STXBP4: variants seen among roughly 807,000 people sequenced by gnomAD.
STXBP4 encodes the protein syntaxin binding protein 4, also known as syntaxin-binding protein 4.
STXBP4 carries 55 observed loss-of-function variants against 76.1 expected under a neutral mutation model. The ratio of observed to expected loss-of-function variants is 0.72; its 90% CI spans 0.58 to 0.91. The LOEUF (loss-of-function observed/expected upper bound fraction) is 0.91. Ranked by LOEUF, STXBP4 falls within the 40% of genes least tolerant of loss-of-function variation. The pLI, the probability that STXBP4 is intolerant of heterozygous loss-of-function variation, is 0.00. For synonymous variants in STXBP4, 201 were observed against 220.2 expected (o/e 0.91, Z 0.77); for missense variants, 618 against 636.9 (o/e 0.97, Z 0.32).
chr17:55,142,781 GT>G (rs1040925230), intron 17 of STXBP4, among the ~76,000 whole-genome samples: 9 of 152,206 alleles, frequency 5.9e-5, no homozygotes, highest in Non-Finnish European at 1.0e-4. Flanking sequence ...CTAGCATGAA[GT>G]GATTAATCAG....
chr17:55,210,705 T>A, the STXBP4 span, among the ~76,000 whole-genome samples: 1 of 152,240 alleles, frequency 6.6e-6, no homozygotes, highest in African/African-American at 2.4e-5. Context: ...CTAATATTTT[T>A]AAATAAAGAT....
Position 55,096,606 on chromosome 17 carries a change from A to T in STXBP4, c.1489+15423A>T, listed in dbSNP as rs375900106. 1.5e-3 allele frequency among the ~76,000 whole-genome samples: 220 copies of T among 150,302 alleles called. 7 individuals carry two copies. The South Asian group carries it at 0.045, about 31-fold the overall frequency. On this transcript the variant is annotated intron_variant, in intron 16 of 17. Transcript: ENST00000376352. ...ATCTGTTTTTTTATTGGAAACTTTC[A>T]TATTGCTTTTTTTTTTTTTTAAGAA...
At chr17:55,197,316 A>G in the STXBP4 span, among the ~76,000 whole-genome samples, 1 of 152,242 alleles carries the variant, frequency 6.6e-6, no homozygotes, top group Admixed American at 6.5e-5. Context: ...CATGAAAGTG[A>G]CCAATGGGAA....
rs1015016010 is a variant in STXBP4 at position 55,164,707 on chromosome 17, C to G, written c.*4796C>G. 2 of 152,024 alleles carry G rather than the reference C, an allele frequency of 1.3e-5. No individual in the cohort carries two copies. Among genetic ancestry groups the G allele is most frequent in the African/African-American group, 4.8e-5 (2 of 41,378 alleles). 9.4% of individuals were successfully genotyped at this position (152,024 alleles called of 1,614,324 possible). A position where few individuals can be genotyped will look rare whatever the true frequency, so the allele number is the denominator to read the frequency against. On this transcript the variant is annotated 3_prime_UTR_variant, in exon 18 of 18. Transcript: ENST00000376352. ...GACCTCATGATCCACCCGCCTCGGC[C>G]TCCCAAAGTGCTGGGATTACAGGCG...
intron 6 of STXBP4, 78 bp downstream of exon 6, chr17:54,999,920 T>A: frequency 1.1e-6 from 1 of 945,002 alleles, no homozygotes; most frequent in Non-Finnish European, 1.6e-6. Flanking sequence ...GTTATGTACA[T>A]ATAGAATTAT....
chr17:55,114,934 A>C (rs2079763821), intron 16 of STXBP4, among the ~76,000 whole-genome samples: 2 of 151,966 alleles, frequency 1.3e-5, no homozygotes, highest in African/African-American at 4.8e-5. Context: ...CTCAGAAAAA[A>C]ATAATTGAAG....
At position 55,169,710 on chromosome 17, in the gene STXBP4, T is replaced by C. The variant is rs572198244; in HGVS notation, c.*9799T>C. ...AAATGCCTTAACAAGTGAAATGGGC[T>C]TTCTGAAAAATTATTTCAATCAAAA... On this transcript the variant is annotated 3_prime_UTR_variant, in exon 18 of 18. Coordinates refer to ENST00000376352, the MANE Select transcript of STXBP4 (RefSeq NM_178509.6). The C allele has an allele frequency of 6.6e-6, 1 of 152,354 alleles. No homozygotes were observed. The highest frequency in any genetic ancestry group is 2.1e-4 in the South Asian group (1 of 4,828). The allele number at this position is 152,354 out of a possible 1,614,324, so 9.4% of individuals were successfully genotyped here.
chr17:55,051,373 T>C (rs768749275), intron 12 of STXBP4, among the ~76,000 whole-genome samples: 1 of 152,126 alleles, frequency 6.6e-6, no homozygotes. Flanking sequence ...AATGCAGTAT[T>C]TGTGTTCAGT....
chr17:54,972,261 CTG>C (rs1382560558), intron 1 of STXBP4, among the ~76,000 whole-genome samples: 1 of 152,320 alleles, frequency 6.6e-6, no homozygotes, highest in East Asian at 1.9e-4. Flanking sequence ...AGCTTTGAGA[CTG>C]TAAATATTCT....
chr17:55,034,075 T>C, intron 9 of STXBP4, 93 bp from the exon 10 acceptor site: 1 of 829,360 alleles, frequency 1.2e-6, no homozygotes, highest in African/African-American at 1.7e-5. Context: ...TTTATGTGGG[T>C]TAAATTTGAA....
chr17:55,204,174 C>T, the STXBP4 span, among the ~76,000 whole-genome samples: 6 of 151,760 alleles, frequency 4.0e-5, no homozygotes, highest in Admixed American at 3.3e-4. Context: ...TCTGACCTAT[C>T]TTCCAGTTCA....
chr17:55,098,129 G>A (rs2079517192), intron 16 of STXBP4, among the ~76,000 whole-genome samples: 1 of 152,114 alleles, frequency 6.6e-6, no homozygotes, highest in Non-Finnish European at 1.5e-5. Context: ...AACCCTGGAA[G>A]ATAATGAACA....
At chr17:55,211,910 A>G in the STXBP4 span, among the ~76,000 whole-genome samples, 1 of 141,454 alleles carries the variant, frequency 7.1e-6, no homozygotes, top group Non-Finnish European at 1.5e-5. Context: ...TCCTGGGTTC[A>G]AGCCATTCTC....
At chr17:55,019,154 T>G (rs1401782919) in intron 8 of STXBP4, among the ~76,000 whole-genome samples, 1 of 152,260 alleles carries the variant, frequency 6.6e-6, no homozygotes, top group Non-Finnish European at 1.5e-5. Context: ...CATTATAATA[T>G]AGTTTGAAGT....
chr17:55,056,268 TA>T (rs1420286178), intron 12 of STXBP4, among the ~76,000 whole-genome samples: 1 of 152,212 alleles, frequency 6.6e-6, no homozygotes, highest in Non-Finnish European at 1.5e-5. Context: ...CATTATGAGA[TA>T]TTTTTACTTT....
chr17:55,026,847 G>A (rs1457575030), intron 8 of STXBP4, among the ~76,000 whole-genome samples: 3 of 152,148 alleles, frequency 2.0e-5, no homozygotes, highest in African/African-American at 7.2e-5. Flanking sequence ...GAACCAGGGG[G>A]CAAATGGGAA....
intron 16 of STXBP4, among the ~76,000 whole-genome samples, chr17:55,128,925 C>CTTTTTTTTTTT (rs35073950): frequency 1.2e-5 from 1 of 86,292 alleles, no homozygotes. Flanking sequence ...TGTAAGGATT[C>CTTTTTTTTTTT]TTTTTTTTTT....
At chr17:55,158,368 A>G (rs997438499) in intron 17 of STXBP4, among the ~76,000 whole-genome samples, 1 of 152,236 alleles carries the variant, frequency 6.6e-6, no homozygotes, top group Non-Finnish European at 1.5e-5. Context: ...ACTTGATCTA[A>G]GACATGATGC....
At chr17:55,115,774 A>G (rs572549107) in intron 16 of STXBP4, among the ~76,000 whole-genome samples, 81 of 152,002 alleles carry the variant, frequency 5.3e-4, no homozygotes, top group African/African-American at 1.9e-3. Context: ...AGGCAAATGC[A>G]AAGGAATGCA....
Sources: allele counts gnomAD v4.1 joint callset (sites outside exome capture counted in the v4.1 genomes callset), GRCh38; gene constraint gnomAD v4.1.1; transcripts MANE v1.5; gene names NCBI Gene and HGNC (gene_info 2026-07-23, HGNC 2026-07-21).